ELL2: variants seen among roughly 807,000 people sequenced by gnomAD.
ELL2 encodes elongation factor for RNA polymerase II 2.
A neutral mutation model predicts 72.8 loss-of-function variants in ELL2; 21 were observed. The ratio of observed to expected loss-of-function variants is 0.29; its 90% CI spans 0.20 to 0.42. The LOEUF (loss-of-function observed/expected upper bound fraction) is 0.42. Ranked by LOEUF, ELL2 falls within the 10% of genes least tolerant of loss-of-function variation. The pLI, the probability that ELL2 is intolerant of heterozygous loss-of-function variation, is 1.00. For synonymous variants in ELL2, 266 were observed against 283.2 expected (o/e 0.94, Z 0.61); for missense variants, 568 against 772.8 (o/e 0.73, Z 3.14).
intron 2 of ELL2, among the ~76,000 whole-genome samples, chr5:95,921,009 T>C (rs1750055971): frequency 6.6e-6 from 1 of 152,218 alleles, no homozygotes; most frequent in Non-Finnish European, 1.5e-5. Flanking sequence ...GCCTTTGCTC[T>C]GCCCTGCAAG....
chr5:95,890,442 C>G (rs1007521171), intron 10 of ELL2, among the ~76,000 whole-genome samples: 1 of 152,212 alleles, frequency 6.6e-6, no homozygotes, highest in African/African-American at 2.4e-5. Context: ...TTATCTAGCC[C>G]ACACGGGAGG....
At chr5:95,907,475 G>A (rs1358459639) in intron 4 of ELL2, among the ~76,000 whole-genome samples, 5 of 152,008 alleles carry the variant, frequency 3.3e-5, no homozygotes, top group South Asian at 4.2e-4. Flanking sequence ...ATTCTCACAT[G>A]GGCCAGTGCT....
intron 4 of ELL2, among the ~76,000 whole-genome samples, chr5:95,912,539 C>G (rs777235147): frequency 3.9e-5 from 6 of 151,992 alleles, no homozygotes; most frequent in Non-Finnish European, 8.8e-5. Context: ...GTCTACTAAC[C>G]CAGAAAGTTA....
chr5:95,895,417 C>T (rs1435905507), intron 9 of ELL2, among the ~76,000 whole-genome samples: 3 of 152,208 alleles, frequency 2.0e-5, no homozygotes, highest in African/African-American at 7.2e-5. Context: ...CCAACGAATA[C>T]AGCTCAGAGC....
chr5:95,961,186 AC>A (rs1388072770), intron 1 of ELL2, among the ~76,000 whole-genome samples: 1 of 151,876 alleles, frequency 6.6e-6, no homozygotes, highest in Non-Finnish European at 1.5e-5. Context: ...CCTTGCCCAT[AC>A]GCTGCTCGCT....
At chr5:95,938,085 C>T (rs528912964) in intron 2 of ELL2, among the ~76,000 whole-genome samples, 34 of 152,162 alleles carry the variant, frequency 2.2e-4, no homozygotes, top group African/African-American at 8.0e-4. Flanking sequence ...TTCTCCACAC[C>T]CCCCACAAAG....
chr5:95,908,758 G>A (rs1218718595), intron 4 of ELL2, among the ~76,000 whole-genome samples: 1 of 152,138 alleles, frequency 6.6e-6, no homozygotes, highest in Non-Finnish European at 1.5e-5. Context: ...TAAAAATAGA[G>A]TCAAGTTCAC....
At chr5:95,920,049 T>C (rs1019247988) in intron 2 of ELL2, among the ~76,000 whole-genome samples, 1 of 152,100 alleles carries the variant, frequency 6.6e-6, no homozygotes, top group Admixed American at 6.6e-5. Context: ...AGAGCAGTAT[T>C]TTTGAACTTC....
In ELL2 at chr5:95,913,915, T is replaced by G; in HGVS notation, c.337A>C (p.Asn113His). The G allele has an allele frequency of 6.2e-7, 1 of 1,607,022 alleles. No individual in the cohort carries two copies. The highest frequency in any genetic ancestry group is 8.5e-7 in the Non-Finnish European group (1 of 1,177,220). ...TTATCTTGTATAAATCCCAGGCAATTGAGCTGGGAGGCTCCAGAGCTGTCA... is the reference window on the plus strand; with the variant it reads ...TTATCTTGTATAAATCCCAGGCAATGGAGCTGGGAGGCTCCAGAGCTGTCA... Reference protein sequence around the residue: ...TFSSSGASQLNCLGFIQDKIT... With the variant: ...TFSSSGASQLHCLGFIQDKIT... The change falls in exon 4 of 12, where the codon AAT becomes CAT. Residue 113 changes from asparagine to histidine, a missense_variant. Coordinates refer to ENST00000237853, the MANE Select transcript of ELL2 (RefSeq NM_012081.6).
chr5:95,916,224 G>C (rs945458553), intron 3 of ELL2, among the ~76,000 whole-genome samples: 1 of 152,132 alleles, frequency 6.6e-6, no homozygotes, highest in African/African-American at 2.4e-5. Context: ...CCCAGGTCAC[G>C]AGGTATATGG....
chr5:95,945,352 C>T (rs1284225543), intron 1 of ELL2, among the ~76,000 whole-genome samples: 1 of 152,178 alleles, frequency 6.6e-6, no homozygotes, highest in South Asian at 2.1e-4. Context: ...CGTTTACATA[C>T]TACATGCCAC....
intron 2 of ELL2, among the ~76,000 whole-genome samples, chr5:95,938,654 C>T (rs902791752): frequency 5.9e-5 from 9 of 152,012 alleles, no homozygotes; most frequent in African/African-American, 2.2e-4. Flanking sequence ...CCCAGGAGTT[C>T]AAGGCTGCAG....
chr5:95,896,138 T>C (rs1748867621), intron 8 of ELL2, among the ~76,000 whole-genome samples: 1 of 152,234 alleles, frequency 6.6e-6, no homozygotes, highest in Non-Finnish European at 1.5e-5. Flanking sequence ...GGTCACTGTA[T>C]TTTTATTGCC....
intron 3 of ELL2, 49 bp downstream of exon 3, chr5:95,919,375 T>A (rs1749958922): frequency 6.4e-7 from 1 of 1,558,778 alleles, no homozygotes; most frequent in Non-Finnish European, 8.6e-7. Flanking sequence ...TCTAAAACCC[T>A]CTTAAATAAA....
chr5:95,890,868 A>T, intron 10 of ELL2: 1 of 522,026 alleles, frequency 1.9e-6, no homozygotes, highest in Non-Finnish European at 3.4e-6. Context: ...ATTTTTCTCA[A>T]TATGTGATAC....
At chr5:95,953,576 A>T (rs190070647) in intron 1 of ELL2, among the ~76,000 whole-genome samples, 1 of 152,380 alleles carries the variant, frequency 6.6e-6, no homozygotes, top group African/African-American at 2.4e-5. Flanking sequence ...CAGTTGAGTG[A>T]AAAAGTCTTC....
At chr5:95,948,343 T>A (rs1000913112) in intron 1 of ELL2, among the ~76,000 whole-genome samples, 4 of 141,538 alleles carry the variant, frequency 2.8e-5, no homozygotes, top group Admixed American at 7.8e-5. Flanking sequence ...GGCAGGAGAA[T>A]GGCGTGAACC....
intron 2 of ELL2, among the ~76,000 whole-genome samples, chr5:95,937,412 C>G (rs963826267): frequency 1.3e-5 from 2 of 151,886 alleles, no homozygotes; most frequent in Non-Finnish European, 2.9e-5. Flanking sequence ...TATGCAGTTT[C>G]CAGAGTTCCC....
chr5:95,916,977 T>C (rs893498166), intron 3 of ELL2, among the ~76,000 whole-genome samples: 4 of 152,222 alleles, frequency 2.6e-5, no homozygotes, highest in Admixed American at 2.6e-4. Flanking sequence ...CAGATCTTTA[T>C]GCAAAACAAA....
Sources: gnomAD v4.1 joint callset for allele counts (sites outside exome capture counted in the v4.1 genomes callset) on GRCh38, gnomAD v4.1.1 for gene constraint, MANE v1.5 for transcripts, NCBI Gene and HGNC (gene_info 2026-07-23, HGNC 2026-07-21) for gene names.